Variants in PON1 observed in about 807,000 individuals in gnomAD.
PON1 encodes the protein serum paraoxonase/arylesterase 1.
Under a neutral mutation model 39.2 loss-of-function variants are expected in PON1, and 37 were observed. The observed-to-expected ratio is 0.94, with a 90% CI of 0.73 to 1.24. PON1 has a LOEUF of 1.24. PON1 is among the 50% of genes most tolerant of loss of function. PON1 has a pLI of 0.00. For missense variants in PON1, 397 were observed against 413.5 expected (o/e 0.96, Z 0.35); for synonymous variants, 148 against 152.2 (o/e 0.97, Z 0.21).
Position 95,303,197 on chromosome 7 carries a change from A to G in PON1, c.781-864T>C, listed in dbSNP as rs73433158. On this transcript the variant is annotated intron_variant, in intron 7 of 8. Coordinates refer to ENST00000222381, the MANE Select transcript of PON1 (RefSeq NM_000446.7). ...ATAAGCAGACAGCTGCAGAAAACCAACGTTTCCCTGTGCCTCCTACTCAAA... is the reference window on the plus strand; with the variant it reads ...ATAAGCAGACAGCTGCAGAAAACCAGCGTTTCCCTGTGCCTCCTACTCAAA... Among the ~76,000 whole-genome samples, 993 of 152,278 alleles carry G rather than the reference A, an allele frequency of 6.5e-3. 11 individuals carry two copies. Among genetic ancestry groups the G allele is most frequent in the African/African-American group, 0.023 (946 of 41,560 alleles).
chr7:95,299,067 A>C lies in PON1; in HGVS notation c.945T>G (p.Pro315=). Residue 315 remains proline (P), a synonymous_variant, in exon 9 of 9, where the codon CCT becomes CCG. Coordinates refer to ENST00000222381, the MANE Select transcript of PON1 (RefSeq NM_000446.7). ...TTTCTGCATAAACCTGTGTCACTTT[A>C]GGTTCTTCTGTTAGAATGTTCTGGA... The part of the protein sequence containing the change: ...LRIQNILTEE[P]KVTQVYAENG... The C allele has an allele frequency of 6.2e-7, 1 of 1,614,166 alleles. No homozygotes were observed. The highest frequency in any genetic ancestry group is 8.5e-7 in the Non-Finnish European group (1 of 1,179,992).
rs1257400699 is a variant in PON1, at chr7:95,316,758, A to G, written c.177T>C (p.Pro59=). 6.2e-7 allele frequency: 1 copy of G among 1,613,614 alleles called. No individual in the cohort carries two copies. ...ETGSEDLEIL[P]NGLAFISSGL... ...CAGAGCTAATGAAAGCCAGTCCATT[A>G]GGCAGTATCTCCAAGTCTTCAGAGC... The change falls in exon 3 of 9, where the codon CCT becomes CCC. Residue 59 remains proline, a synonymous_variant. Coordinates refer to ENST00000222381, the MANE Select transcript of PON1 (RefSeq NM_000446.7).
chr7:95,318,423 CA>C, intron 1 of PON1, 30 bp from the exon 2 acceptor site: 1 of 1,542,942 alleles, frequency 6.5e-7, no homozygotes, highest in Non-Finnish European at 9.0e-7. Context: ...AAAACACACA[CA>C]AAACTATTCA....
intron 8 of PON1, among the ~76,000 whole-genome samples, chr7:95,301,115 A>G (rs1807411905): frequency 1.3e-5 from 2 of 152,112 alleles, no homozygotes. Flanking sequence ...GATATCATAT[A>G]TATGATGTAA....
At chr7:95,304,609 G>A (rs1807502298) in intron 7 of PON1, among the ~76,000 whole-genome samples, 1 of 152,108 alleles carries the variant, frequency 6.6e-6, no homozygotes. Flanking sequence ...TGGGATTACA[G>A]GTGTGAGCCA....
rs563078888 is a variant in PON1 at position 95,313,705 on chromosome 7, C to G, written c.370+1617G>C. 1.5e-4 allele frequency among the ~76,000 whole-genome samples: 22 copies of G among 150,898 alleles called. No individual in the cohort carries two copies. The East Asian group carries it at 3.7e-3, about 25-fold the overall frequency. ...AGATAAAAGGATGGAAAATCACTTT[C>G]AACATTTTGAGTTTAAAGTGTCTAT... On this transcript the variant is annotated intron_variant, in intron 4 of 8. Coordinates refer to ENST00000222381, the MANE Select transcript of PON1 (RefSeq NM_000446.7).
Position 95,299,984 on chromosome 7 carries a change from G to GA in PON1, c.910-883dup, listed in dbSNP as rs1422843038. On this transcript the variant is annotated intron_variant, in intron 8 of 8. Coordinates refer to ENST00000222381, the MANE Select transcript of PON1 (RefSeq NM_000446.7). ...TTCCTGGTTTTTAAAATGCAGACAA[G>GA]AAAAAAAATGTGGCCCTCAAAAAAC... Among the ~76,000 whole-genome samples, 3 of 151,720 alleles carry GA rather than the reference G, an allele frequency of 2.0e-5. 1 individual carries two copies. Among genetic ancestry groups the GA allele is most frequent in the South Asian group, 4.2e-4 (2 of 4,810 alleles).
intron 1 of PON1, among the ~76,000 whole-genome samples, chr7:95,319,292 C>A (rs538151100): frequency 6.6e-5 from 10 of 151,950 alleles, no homozygotes; most frequent in African/African-American, 2.2e-4. Context: ...GGGCTACAGG[C>A]GGAACAGACA....
intron 8 of PON1, among the ~76,000 whole-genome samples, chr7:95,301,117 ATGATG>A (rs1563593863): frequency 6.6e-6 from 1 of 152,114 alleles, no homozygotes; most frequent in East Asian, 1.9e-4. Context: ...TATCATATAT[ATGATG>A]TAAGTAATAA....
chr7:95,306,588 T>G (rs1487105633), intron 6 of PON1, among the ~76,000 whole-genome samples: 1 of 152,224 alleles, frequency 6.6e-6, no homozygotes, highest in African/African-American at 2.4e-5. Flanking sequence ...ATAGTTGTCC[T>G]TATCAGTATG....
rs854563 is a variant in PON1 at position 95,318,697 on chromosome 7, G to A, written c.75-304C>T. On this transcript the variant is annotated intron_variant, in intron 1 of 8. Coordinates refer to ENST00000222381, the MANE Select transcript of PON1 (RefSeq NM_000446.7). ...TTTCATCAGTGTGTAAGGACTCCTA[G>A]GTGGAAAGTCCGGGTAAATGGCAAC... 0.29 allele frequency: 91,371 copies of A among 310,866 alleles called. 15,089 individuals are homozygous for A. Among genetic ancestry groups the A allele is most frequent in the Middle Eastern group, 0.36 (347 of 954 alleles). 19.3% of individuals were successfully genotyped at this position (310,866 alleles called of 1,614,324 possible). A position where few individuals can be genotyped will look rare whatever the true frequency, so the allele number is the denominator to read the frequency against.
rs1807819125 is a variant in PON1 at position 95,318,397 on chromosome 7, T to C, written c.75-4A>G. Reference sequence around the variant, plus strand: ...TCGGAGAGCATTAAGTCGTGTTCTGTGGGGGAGAAAGAAATAAAACACACA... The same window carrying C: ...TCGGAGAGCATTAAGTCGTGTTCTGCGGGGGAGAAAGAAATAAAACACACA... On this transcript the variant is annotated splice_polypyrimidine_tract_variant and splice_region_variant and intron_variant, in intron 1 of 8. Transcript: ENST00000222381. The C allele has an allele frequency of 1.2e-6, 2 of 1,602,376 alleles. No individual in the cohort carries two copies. The highest frequency in any genetic ancestry group is 1.7e-6 in the Non-Finnish European group (2 of 1,169,520).
chr7:95,318,689 G>C, intron 1 of PON1: 1 of 348,916 alleles, frequency 2.9e-6, no homozygotes, highest in Non-Finnish European at 5.4e-6. Context: ...AGTGTGTAAG[G>C]ACTCCTAGGT....
chr7:95,311,316 G>A, intron 5 of PON1, 135 bp downstream of exon 5: 1 of 1,060,688 alleles, frequency 9.4e-7, no homozygotes, highest in Non-Finnish European at 1.4e-6. Context: ...CTTCAGAAGA[G>A]CATGTGGAGG....
intron 1 of PON1, 135 bp downstream of exon 1, chr7:95,324,266 AC>A (rs554729217): frequency 1.7e-4 from 136 of 790,866 alleles, no homozygotes; most frequent in Non-Finnish European, 2.7e-4. Context: ...CATTTATGAA[AC>A]CCCCGCAGAG....
intron 5 of PON1, among the ~76,000 whole-genome samples, chr7:95,309,021 G>A (rs1471546201): frequency 6.6e-6 from 1 of 152,184 alleles, no homozygotes; most frequent in East Asian, 1.9e-4. Flanking sequence ...TGATCTGGGA[G>A]AAAATTATCT....
chr7:95,310,593 T>C lies in PON1; in HGVS notation c.497+858A>G, dbSNP rs146868734. ...CAATTTCTCTCCAATCTCATTTTCC[T>C]CATCCTCAAACCACCAGATAAGAAA... On this transcript the variant is annotated intron_variant, in intron 5 of 8. Coordinates refer to ENST00000222381, the MANE Select transcript of PON1 (RefSeq NM_000446.7). Among the ~76,000 whole-genome samples the C allele has an allele frequency of 1.8e-4, 28 of 152,288 alleles. 1 individual carries two copies. The East Asian group carries it at 5.4e-3, about 29-fold the overall frequency.
chr7:95,324,296 T>C, intron 1 of PON1, 106 bp downstream of exon 1: 1 of 1,013,926 alleles, frequency 9.9e-7, no homozygotes, highest in South Asian at 1.3e-5. Context: ...TAGCACCTGC[T>C]TGTAAATGTT....
chr7:95,308,958 C>A (rs1429032163), intron 5 of PON1, among the ~76,000 whole-genome samples: 1 of 151,374 alleles, frequency 6.6e-6, no homozygotes, highest in Non-Finnish European at 1.5e-5. Flanking sequence ...CAATAGGGAA[C>A]ACATAAGTGA....
Sources: allele counts gnomAD v4.1 joint callset (sites outside exome capture counted in the v4.1 genomes callset), GRCh38; gene constraint gnomAD v4.1.1; transcripts MANE v1.5; gene names NCBI Gene and HGNC (gene_info 2026-07-23, HGNC 2026-07-21).